The following CRB1 variants were observed in gnomAD, a reference collection of about 807,000 sequenced individuals.
CRB1 encodes the protein protein crumbs homolog 1.
Under a neutral mutation model 120.0 loss-of-function variants are expected in CRB1, and 83 were observed. That is an observed-to-expected ratio of 0.69 (90% CI 0.58 to 0.83). CRB1 has a LOEUF of 0.83. Ranked by LOEUF, CRB1 falls within the 40% of genes least tolerant of loss-of-function variation. The probability of loss-of-function intolerance (pLI) is 0.00; values close to 1 mark genes in which losing one functional copy is unlikely to be tolerated. For synonymous variants in CRB1, 625 were observed against 612.5 expected (o/e 1.02, Z -0.30); for missense variants, 1,699 against 1,687.6 (o/e 1.01, Z -0.12).
intron 5 of CRB1, among the ~76,000 whole-genome samples, chr1:197,363,075 C>T (rs1433279479): frequency 6.7e-6 from 1 of 150,008 alleles, no homozygotes; most frequent in Non-Finnish European, 1.5e-5. Flanking sequence ...CTGATCACAG[C>T]CTATTGGTTT....
the CRB1 span, among the ~76,000 whole-genome samples, chr1:197,232,422 G>C: frequency 1.3e-5 from 2 of 151,996 alleles, no homozygotes; most frequent in African/African-American, 4.8e-5. Context: ...GAGTCAGGTC[G>C]ATGCAGTTAC....
chr1:197,233,255 G>A, the CRB1 span, among the ~76,000 whole-genome samples: 1 of 152,272 alleles, frequency 6.6e-6, no homozygotes, highest in South Asian at 2.1e-4. Context: ...CTACAAAACT[G>A]AGATAGTTCC....
At chr1:197,373,983 C>T (rs969471405) in intron 5 of CRB1, among the ~76,000 whole-genome samples, 1 of 152,172 alleles carries the variant, frequency 6.6e-6, no homozygotes, top group African/African-American at 2.4e-5. Context: ...AGATCTGACA[C>T]AGCCAATTTT....
chr1:197,363,332 T>A (rs7551088), intron 5 of CRB1, among the ~76,000 whole-genome samples: 84,458 of 151,674 alleles, frequency 0.56, 27,238 homozygotes, highest in South Asian at 0.8. Context: ...TTTTTTTTTT[T>A]AAATCATTTT....
intron 5 of CRB1, among the ~76,000 whole-genome samples, chr1:197,396,770 A>G (rs1233064334): frequency 6.6e-6 from 1 of 152,186 alleles, no homozygotes; most frequent in African/African-American, 2.4e-5. Context: ...TATTGCAGGG[A>G]AATGAACTTC....
At chr1:197,414,553 T>C (rs1472226765) in intron 5 of CRB1, among the ~76,000 whole-genome samples, 2 of 152,144 alleles carry the variant, frequency 1.3e-5, no homozygotes, top group African/African-American at 2.4e-5. Context: ...TTTAGGAAAG[T>C]AAAATGAGGT....
intron 5 of CRB1, among the ~76,000 whole-genome samples, chr1:197,413,069 C>A (rs1228286742): frequency 6.6e-6 from 1 of 152,154 alleles, no homozygotes; most frequent in Non-Finnish European, 1.5e-5. Context: ...AGGAATTGCT[C>A]TGATTGTGAG....
chr1:197,462,147 A>G (rs2125549481), intron 11 of CRB1, among the ~76,000 whole-genome samples: 4 of 152,310 alleles, frequency 2.6e-5, no homozygotes, highest in Admixed American at 2.6e-4. Flanking sequence ...TGTACATGAT[A>G]GTGTAGAATA....
At chr1:197,444,045 A>G (rs556570776) in intron 11 of CRB1, 3 of 152,324 alleles carry the variant, frequency 2.0e-5, no homozygotes, top group Admixed American at 2.0e-4. Flanking sequence ...ACATGAGGAC[A>G]GTTTATCCAT....
At chr1:197,354,838 GCCCACCCCCCCCCCC>G (rs1558076344) in intron 4 of CRB1, among the ~76,000 whole-genome samples, 3 of 14,964 alleles carry the variant, frequency 2.0e-4, no homozygotes, top group Non-Finnish European at 3.4e-4. Context: ...CCCCCCCCCC[GCCCACCCCCCCCCCC>G]CCGCCCACCC....
At position 197,429,629 on chromosome 1, in the gene CRB1, A is replaced by T. The variant is rs1664779955; in HGVS notation, c.2842+15A>T. ...AGGATTTGAATGTAGGTAGAGTTCA[A>T]ACCTACCATCTCACCAGTTAAGTTG... On this transcript the variant is annotated intron_variant, in intron 8 of 11. Coordinates refer to ENST00000367400, the MANE Select transcript of CRB1 (RefSeq NM_201253.3). 6.2e-7 allele frequency: 1 copy of T among 1,613,080 alleles called. No individual in the cohort carries two copies. Among genetic ancestry groups the T allele is most frequent in the African/African-American group, 1.3e-5 (1 of 74,886 alleles).
intron 11 of CRB1, among the ~76,000 whole-genome samples, chr1:197,459,199 T>C (rs1052104358): frequency 5.9e-5 from 9 of 152,134 alleles, no homozygotes; most frequent in Non-Finnish European, 1.3e-4. Flanking sequence ...GACCAAACTT[T>C]GGTAAAAATC....
intron 2 of CRB1, among the ~76,000 whole-genome samples, chr1:197,340,271 C>T (rs1414674591): frequency 6.6e-6 from 1 of 152,018 alleles, no homozygotes; most frequent in Non-Finnish European, 1.5e-5. Flanking sequence ...AGGAGTGGGG[C>T]ATTACAAGTA....
At chr1:197,419,307 CAAT>C (rs1664164356) in intron 5 of CRB1, among the ~76,000 whole-genome samples, 1 of 149,744 alleles carries the variant, frequency 6.7e-6, no homozygotes. Context: ...TAATAACAAA[CAAT>C]AAATGAGAAT....
intron 1 of CRB1, among the ~76,000 whole-genome samples, chr1:197,303,661 T>C (rs1657007317): frequency 6.6e-6 from 1 of 152,118 alleles, no homozygotes; most frequent in East Asian, 1.9e-4. Flanking sequence ...AGATTGATGA[T>C]AGAATCAAAA....
intron 11 of CRB1, among the ~76,000 whole-genome samples, chr1:197,457,552 T>C (rs1191402099): frequency 6.6e-6 from 1 of 152,158 alleles, no homozygotes; most frequent in East Asian, 1.9e-4. Flanking sequence ...TGTTTATCTT[T>C]ATAACTTCAG....
chr1:197,302,845 A>G (rs1175769386), intron 1 of CRB1, among the ~76,000 whole-genome samples: 1 of 152,196 alleles, frequency 6.6e-6, no homozygotes, highest in Non-Finnish European at 1.5e-5. Context: ...ATCAGAAAAA[A>G]CAAACACATT....
chr1:197,403,084 G>A (rs1571480706), intron 5 of CRB1, among the ~76,000 whole-genome samples: 1 of 152,228 alleles, frequency 6.6e-6, no homozygotes, highest in East Asian at 1.9e-4. Context: ...AAATGTTCTT[G>A]ATGTTTTGTT....
intron 5 of CRB1, among the ~76,000 whole-genome samples, chr1:197,391,713 C>A (rs533120703): frequency 1.3e-5 from 2 of 152,114 alleles, no homozygotes; most frequent in South Asian, 4.1e-4. Context: ...TTGAACTTAA[C>A]CAGTTCTCAG....
Sources: allele counts gnomAD v4.1 joint callset (sites outside exome capture counted in the v4.1 genomes callset), GRCh38; gene constraint gnomAD v4.1.1; transcripts MANE v1.5; gene names NCBI Gene and HGNC (gene_info 2026-07-23, HGNC 2026-07-21).